The following VOPP1 variants were observed in gnomAD, a reference collection of about 807,000 sequenced individuals.
The protein encoded by VOPP1 is VOPP1 WW domain binding protein.
Under a neutral mutation model 23.5 loss-of-function variants are expected in VOPP1, and 8 were observed. The observed-to-expected ratio is 0.34, with a 90% CI of 0.20 to 0.61. The LOEUF (loss-of-function observed/expected upper bound fraction) is 0.61, where lower values mean the gene tolerates loss of function less well. VOPP1 is among the 20% of genes least tolerant of loss of function. The pLI is 0.78. For missense variants in VOPP1, 174 were observed against 238.1 expected, an observed-to-expected ratio of 0.73 and a Z score of 1.77; for synonymous variants, 83 against 97.3, an observed-to-expected ratio of 0.85 and a Z score of 0.86.
chr7:55,479,908 A>G (rs1792575165), intron 4 of VOPP1, among the ~76,000 whole-genome samples: 1 of 152,164 alleles, frequency 6.6e-6, no homozygotes, highest in Non-Finnish European at 1.5e-5. Context: ...ATATATATCA[A>G]ATTGTGCTGA....
intron 2 of VOPP1, among the ~76,000 whole-genome samples, chr7:55,510,534 T>G (rs572513906): frequency 2.6e-5 from 4 of 152,066 alleles, no homozygotes; most frequent in Non-Finnish European, 5.9e-5. Context: ...CCTGGTGGGC[T>G]TTTGTTACAT....
intron 1 of VOPP1, among the ~76,000 whole-genome samples, chr7:55,551,942 A>G (rs748868775): frequency 1.2e-4 from 18 of 145,292 alleles, no homozygotes; most frequent in Admixed American, 1.1e-3. Context: ...TGGGGGTCTG[A>G]GGCATGAGAA....
At chr7:55,554,853 G>A (rs1797749113) in intron 1 of VOPP1, among the ~76,000 whole-genome samples, 1 of 152,202 alleles carries the variant, frequency 6.6e-6, no homozygotes, top group Non-Finnish European at 1.5e-5. Context: ...TTTAGATGTA[G>A]ATGAGATTCC....
chr7:55,518,106 T>C (rs931799738), intron 2 of VOPP1, among the ~76,000 whole-genome samples: 3 of 152,292 alleles, frequency 2.0e-5, no homozygotes, highest in Non-Finnish European at 4.4e-5. Context: ...TATGTTCTTA[T>C]GGGACTTCTG....
At chr7:55,474,408 A>G (rs1301008667) in intron 4 of VOPP1, among the ~76,000 whole-genome samples, 1 of 152,258 alleles carries the variant, frequency 6.6e-6, no homozygotes, top group African/African-American at 2.4e-5. Context: ...CAACAGTCTA[A>G]GCAAGACATT....
At chr7:55,522,819 T>C (rs1159460910) in intron 1 of VOPP1, among the ~76,000 whole-genome samples, 1 of 152,232 alleles carries the variant, frequency 6.6e-6, no homozygotes, top group Non-Finnish European at 1.5e-5. Flanking sequence ...CTGGCCTCCA[T>C]AGCGCCCTTT....
At chr7:55,466,165 A>G (rs542683155), downstream of VOPP1, among the ~76,000 whole-genome samples, 2 of 152,334 alleles carry the variant, frequency 1.3e-5, no homozygotes, top group African/African-American at 4.8e-5. Flanking sequence ...TCCTGACCTT[A>G]GACTTCCGAA....
intron 1 of VOPP1, among the ~76,000 whole-genome samples, chr7:55,523,242 CAT>C (rs1373548082): frequency 6.6e-6 from 1 of 152,212 alleles, no homozygotes; most frequent in Non-Finnish European, 1.5e-5. Context: ...AAAACAAAAA[CAT>C]ACGTCCAGTA....
intron 4 of VOPP1, 64 bp from the exon 5 acceptor site, chr7:55,473,109 C>G: frequency 1.3e-6 from 2 of 1,548,202 alleles, no homozygotes; most frequent in Non-Finnish European, 1.7e-6. Flanking sequence ...CAAGTATGTG[C>G]AGGCTGCAGG....
chr7:55,565,860 A>G (rs1458035445), intron 1 of VOPP1, among the ~76,000 whole-genome samples: 1 of 152,180 alleles, frequency 6.6e-6, no homozygotes, highest in Non-Finnish European at 1.5e-5. Context: ...AGAGCTTCCT[A>G]TTGTTCAATA....
chr7:55,482,341 G>C (rs1281795933), intron 4 of VOPP1, among the ~76,000 whole-genome samples: 5 of 123,836 alleles, frequency 4.0e-5, no homozygotes, highest in African/African-American at 9.1e-5. Context: ...GAGGAAGAAG[G>C]GAGGTATTTT....
rs1441940680 is a variant in VOPP1 at position 55,516,922 on chromosome 7, ATATATATATATTTTTTTTTTT to A, written c.113+4129_113+4149del. On this transcript the variant is annotated intron_variant, in intron 2 of 4. Transcript: ENST00000285279. ...ATCCATTACATATATATATATATAT[ATATATATATATTTTTTTTTTT>A]TTTTTTTTTTTTTTTTTTTTGAGAC... 3.7e-4 allele frequency among the ~76,000 whole-genome samples: 15 copies of A among 40,808 alleles called. 1 individual carries two copies. The highest frequency in any genetic ancestry group is 1.4e-3 in the African/African-American group (15 of 10,614). The allele number at this position is 40,808 out of a possible 152,430, so 26.8% of individuals were successfully genotyped here. A position where few individuals can be genotyped will look rare whatever the true frequency, so the allele number is the denominator to read the frequency against.
intron 4 of VOPP1, among the ~76,000 whole-genome samples, chr7:55,465,147 G>C (rs1412408133): frequency 1.3e-5 from 2 of 152,188 alleles, no homozygotes; most frequent in Non-Finnish European, 2.9e-5. Flanking sequence ...TGATTGTTCA[G>C]TTTTGGTCCT....
intron 4 of VOPP1, among the ~76,000 whole-genome samples, chr7:55,479,283 C>T (rs968806208): frequency 1.3e-5 from 2 of 151,592 alleles, no homozygotes; most frequent in South Asian, 2.1e-4. Flanking sequence ...TTAGGTATAT[C>T]TCCTAACGCT....
At chr7:55,498,249 G>A (rs911496022) in intron 2 of VOPP1, among the ~76,000 whole-genome samples, 7 of 152,356 alleles carry the variant, frequency 4.6e-5, no homozygotes, top group Admixed American at 4.6e-4. Flanking sequence ...AACTGCAGGG[G>A]CCCTGCACAG....
chr7:55,551,332 G>A (rs751487989), intron 1 of VOPP1, among the ~76,000 whole-genome samples: 87 of 152,180 alleles, frequency 5.7e-4, no homozygotes, highest in African/African-American at 2.0e-3. Flanking sequence ...ATGTTAGGGC[G>A]TGGAGCACCA....
intron 1 of VOPP1, among the ~76,000 whole-genome samples, chr7:55,563,069 T>G (rs13307798): frequency 6.6e-6 from 1 of 152,252 alleles, no homozygotes; most frequent in Non-Finnish European, 1.5e-5. Flanking sequence ...TTTAATAATA[T>G]TCAATTGGTA....
intron 1 of VOPP1, among the ~76,000 whole-genome samples, chr7:55,537,873 C>T (rs1796895210): frequency 6.6e-6 from 1 of 152,208 alleles, no homozygotes; most frequent in Non-Finnish European, 1.5e-5. Context: ...GTTCATTCTC[C>T]CCCAAACCAC....
Position 55,538,713 on chromosome 7 carries a change from G to A in VOPP1, c.55-17583C>T, listed in dbSNP as rs143096981. The A allele has an allele frequency of 2.6e-5, 39 of 1,506,610 alleles. No individual in the cohort carries two copies. The East Asian group carries it at 3.9e-4, about 15-fold the overall frequency. The allele number at this position is 1,506,610 out of a possible 1,614,324, so 93.3% of individuals were successfully genotyped here. ...ACTTAGCTGTTCATCAAGAGAGGGC[G>A]GATTAAAATGAGTCATGGCCATTCC... is the stretch of plus-strand genomic sequence containing the variant. On this transcript the variant is annotated intron_variant, in intron 1 of 4. Transcript: ENST00000285279.
Sources: gnomAD v4.1 joint callset for allele counts (sites outside exome capture counted in the v4.1 genomes callset) on GRCh38, gnomAD v4.1.1 for gene constraint, MANE v1.5 for transcripts, NCBI Gene and HGNC (gene_info 2026-07-23, HGNC 2026-07-21) for gene names.